TMEM161B: variants seen among roughly 807,000 people sequenced by gnomAD.
The protein encoded by TMEM161B is transmembrane protein 161B.
TMEM161B carries 34 observed loss-of-function variants against 61.8 expected under a neutral mutation model. That is an observed-to-expected ratio of 0.55 (90% CI 0.42 to 0.73). The LOEUF (loss-of-function observed/expected upper bound fraction) is 0.73, where lower values mean the gene tolerates loss of function less well. TMEM161B is among the 30% of genes least tolerant of loss of function. The pLI is 0.00. For synonymous variants in TMEM161B, 167 were observed against 192.8 expected (o/e 0.87, Z 1.11); for missense variants, 456 against 558.5 (o/e 0.82, Z 1.85).
downstream of TMEM161B, among the ~76,000 whole-genome samples, chr5:88,193,886 A>G (rs1337477734): frequency 1.3e-5 from 2 of 152,136 alleles, no homozygotes; most frequent in Non-Finnish European, 2.9e-5. Context: ...TATATCTCAA[A>G]ATATATTTGA....
downstream of TMEM161B, among the ~76,000 whole-genome samples, chr5:88,192,617 C>A (rs1749067478): frequency 6.6e-6 from 1 of 152,136 alleles, no homozygotes; most frequent in Non-Finnish European, 1.5e-5. Flanking sequence ...TGAGATGGTA[C>A]AAGTATTCGA....
At chr5:88,255,325 C>T (rs915369318) in intron 1 of TMEM161B, among the ~76,000 whole-genome samples, 1 of 152,208 alleles carries the variant, frequency 6.6e-6, no homozygotes, top group Non-Finnish European at 1.5e-5. Flanking sequence ...TATCCCACTA[C>T]TGTGGCCTTC....
At chr5:88,193,725 A>G (rs2112305981), downstream of TMEM161B, among the ~76,000 whole-genome samples, 1 of 152,280 alleles carries the variant, frequency 6.6e-6, no homozygotes, top group Non-Finnish European at 1.5e-5. Context: ...CTTCAATTTT[A>G]CTTTTTAAAA....
At chr5:88,234,573 G>A (rs1186973121) in intron 2 of TMEM161B, among the ~76,000 whole-genome samples, 1 of 152,050 alleles carries the variant, frequency 6.6e-6, no homozygotes, top group Non-Finnish European at 1.5e-5. Flanking sequence ...CTTTTCCTTT[G>A]GTATTAAGTG....
chr5:88,219,517 A>G (rs992732041), intron 5 of TMEM161B, among the ~76,000 whole-genome samples: 1 of 152,072 alleles, frequency 6.6e-6, no homozygotes, highest in African/African-American at 2.4e-5. Context: ...AAAAGACATG[A>G]GTTTTCAGAT....
intron 2 of TMEM161B, among the ~76,000 whole-genome samples, chr5:88,233,183 T>C (rs1751303139): frequency 6.6e-6 from 1 of 152,208 alleles, no homozygotes; most frequent in Non-Finnish European, 1.5e-5. Context: ...TTTGCCTTTT[T>C]GATGGTTATA....
At chr5:88,237,947 C>T (rs1486688633) in intron 2 of TMEM161B, among the ~76,000 whole-genome samples, 1 of 151,932 alleles carries the variant, frequency 6.6e-6, no homozygotes, top group Admixed American at 6.6e-5. Context: ...TACAATTGTC[C>T]CCAGGTATCT....
intron 2 of TMEM161B, among the ~76,000 whole-genome samples, chr5:88,240,205 C>T (rs929646767): frequency 8.6e-5 from 13 of 151,666 alleles, no homozygotes; most frequent in African/African-American, 3.1e-4. Context: ...TAACTTTATC[C>T]CCCTCCTTGC....
intron 5 of TMEM161B, among the ~76,000 whole-genome samples, chr5:88,212,630 C>A (rs1747033898): frequency 6.6e-6 from 1 of 152,190 alleles, no homozygotes; most frequent in African/African-American, 2.4e-5. Context: ...GAATTCATGA[C>A]CAGCCTGGGC....
At chr5:88,222,789 T>C (rs1257863032) in intron 4 of TMEM161B, among the ~76,000 whole-genome samples, 2 of 152,160 alleles carry the variant, frequency 1.3e-5, no homozygotes, top group Non-Finnish European at 2.9e-5. Context: ...AAGTACAAAT[T>C]ATATATATTC....
At chr5:88,212,549 T>C (rs977329677) in intron 5 of TMEM161B, among the ~76,000 whole-genome samples, 1 of 152,206 alleles carries the variant, frequency 6.6e-6, no homozygotes, top group Non-Finnish European at 1.5e-5. Context: ...TATTATGGGC[T>C]GGGTCCAGCG....
chr5:88,264,018 TC>T (rs1041409875), intron 1 of TMEM161B, among the ~76,000 whole-genome samples: 4 of 152,130 alleles, frequency 2.6e-5, no homozygotes, highest in African/African-American at 9.7e-5. Context: ...ACTGCGCATG[TC>T]AAATTACCAC....
intron 3 of TMEM161B, 141 bp from the exon 4 acceptor site, chr5:88,226,007 A>G: frequency 5.5e-6 from 3 of 545,830 alleles, no homozygotes; most frequent in Non-Finnish European, 9.6e-6. Context: ...TAAGGAGGTA[A>G]AGTACTCAAA....
At chr5:88,232,181 G>A (rs909462244) in intron 2 of TMEM161B, among the ~76,000 whole-genome samples, 2 of 152,104 alleles carry the variant, frequency 1.3e-5, no homozygotes, top group Admixed American at 1.3e-4. Context: ...AAGGAGATTT[G>A]TTTACAGTAT....
At chr5:88,199,321 A>C (rs1409773353) in intron 9 of TMEM161B, 171 bp from the exon 10 acceptor site, 3 of 519,692 alleles carry the variant, frequency 5.8e-6, no homozygotes, top group African/African-American at 2.0e-5. Flanking sequence ...CTTTAACTTG[A>C]ATAACAGAAC....
chr5:88,232,882 C>T (rs925622542), intron 2 of TMEM161B, among the ~76,000 whole-genome samples: 2 of 152,196 alleles, frequency 1.3e-5, no homozygotes, highest in East Asian at 1.9e-4. Context: ...CCTTAAGACA[C>T]ATTTTCTTTT....
chr5:88,194,155 C>T (rs1044260892), downstream of TMEM161B, among the ~76,000 whole-genome samples: 8 of 152,086 alleles, frequency 5.3e-5, no homozygotes, highest in African/African-American at 1.7e-4. Context: ...CCCACTTCCC[C>T]TCTTTTGGAA....
Position 88,195,064 on chromosome 5 carries a change from C to G in TMEM161B, c.*1147G>C, listed in dbSNP as rs1214664075. On this transcript the variant is annotated 3_prime_UTR_variant, in exon 12 of 12. Coordinates refer to ENST00000296595, the MANE Select transcript of TMEM161B (RefSeq NM_153354.5). The stretch of plus-strand genomic sequence containing the variant: ...TATTTAACAAAGGCATACATGATAC[C>G]TGTAGACCTGATTTGAGAGGGAAAG... 1 of 770,932 alleles carries G rather than the reference C, an allele frequency of 1.3e-6. No homozygotes were observed. The highest frequency in any genetic ancestry group is 1.6e-6 in the Non-Finnish European group (1 of 634,136). The allele number at this position is 770,932 out of a possible 1,614,324, so 47.8% of individuals were successfully genotyped here. A position where few individuals can be genotyped will look rare whatever the true frequency, so the allele number is the denominator to read the frequency against.
intron 5 of TMEM161B, among the ~76,000 whole-genome samples, chr5:88,214,784 A>G (rs1747508677): frequency 6.6e-6 from 1 of 152,212 alleles, no homozygotes; most frequent in Non-Finnish European, 1.5e-5. Flanking sequence ...AGAATTACAA[A>G]TGAGAAAGAA....
Sources: gnomAD v4.1 joint callset for allele counts (sites outside exome capture counted in the v4.1 genomes callset) on GRCh38, gnomAD v4.1.1 for gene constraint, MANE v1.5 for transcripts, NCBI Gene and HGNC (gene_info 2026-07-23, HGNC 2026-07-21) for gene names.